GTF2I: variants seen among roughly 807,000 people sequenced by gnomAD.
The protein encoded by GTF2I is general transcription factor II-I.
GTF2I carries 12 observed loss-of-function variants against 67.6 expected under a neutral mutation model. The ratio of observed to expected loss-of-function variants is 0.18; its 90% confidence interval spans 0.11 to 0.29. The LOEUF (loss-of-function observed/expected upper bound fraction) is 0.29, where lower values mean the gene tolerates loss of function less well. GTF2I is among the 10% of genes least tolerant of loss of function. The pLI is 1.00. For missense variants in GTF2I, 271 were observed against 580.1 expected (o/e 0.47, Z 5.47); for synonymous variants, 149 against 197.0 (o/e 0.76, Z 2.04).
At chr7:74,702,907 A>G (rs1554400232) in intron 6 of GTF2I, among the ~76,000 whole-genome samples, 2 of 150,736 alleles carry the variant, frequency 1.3e-5, no homozygotes, top group Non-Finnish European at 3.0e-5. Flanking sequence ...TCATTTCTGA[A>G]CCTTTTTTTG....
chr7:74,669,419 C>T (rs782036095), intron 1 of GTF2I, among the ~76,000 whole-genome samples: 1 of 151,474 alleles, frequency 6.6e-6, no homozygotes, highest in Middle Eastern at 3.4e-3. Context: ...TGGTAGAGAA[C>T]GAGGTTTCAT....
intron 1 of GTF2I, chr7:74,688,920 T>C (rs1467033180): frequency 2.1e-6 from 1 of 487,412 alleles, no homozygotes; most frequent in East Asian, 3.4e-5. Flanking sequence ...TTTCTGGAAA[T>C]AACAATATAT....
At chr7:74,719,876 C>T (rs587614302) in intron 12 of GTF2I, among the ~76,000 whole-genome samples, 31 of 152,148 alleles carry the variant, frequency 2.0e-4, no homozygotes, top group African/African-American at 6.7e-4. Context: ...GCTGAGTTCA[C>T]GCCATTGCAC....
intron 3 of GTF2I, among the ~76,000 whole-genome samples, chr7:74,697,536 G>A (rs587706120): frequency 4.0e-4 from 61 of 152,190 alleles, no homozygotes; most frequent in Non-Finnish European, 5.7e-4. Context: ...ATTTGTTATC[G>A]TGCTAGACTT....
chr7:74,691,114 A>G lies in GTF2I; in HGVS notation c.238+3A>G. The G allele has an allele frequency of 6.3e-7, 1 of 1,587,456 alleles. No individual in the cohort carries two copies. Among genetic ancestry groups the G allele is most frequent in the South Asian group, 1.1e-5 (1 of 89,408 alleles). The stretch of plus-strand genomic sequence containing the variant: ...TCAAAAAGATTTTGTAAAATATTGT[A>G]AGCATTGTATTTTTATCTTTTGCAT... On this transcript the variant is annotated splice_donor_region_variant and intron_variant, in intron 3 of 34. Coordinates refer to ENST00000573035, the MANE Select transcript of GTF2I (RefSeq NM_032999.4).
intron 1 of GTF2I, among the ~76,000 whole-genome samples, chr7:74,685,260 C>A (rs1278935283): frequency 7.2e-5 from 11 of 152,304 alleles, no homozygotes; most frequent in Admixed American, 5.2e-4. Flanking sequence ...CTTTGGGAGG[C>A]CAAGATGGGT....
chr7:74,659,886 C>G (rs1166671070), intron 1 of GTF2I, among the ~76,000 whole-genome samples: 1 of 152,162 alleles, frequency 6.6e-6, no homozygotes, highest in Non-Finnish European at 1.5e-5. Context: ...ATGGCTTGAT[C>G]AGCCAACAGT....
chr7:74,723,677 C>T (rs1298310557), intron 12 of GTF2I, among the ~76,000 whole-genome samples: 9 of 151,706 alleles, frequency 5.9e-5, no homozygotes, highest in African/African-American at 1.9e-4. Context: ...GTGATCCACC[C>T]GCCTCGGCCT....
intron 2 of GTF2I, 146 bp from the exon 3 acceptor site, chr7:74,690,827 T>C (rs1554396809): frequency 1.1e-5 from 8 of 723,012 alleles, no homozygotes; most frequent in East Asian, 5.3e-5. Context: ...ATAAATTCTG[T>C]GTTGTCTTTT....
At chr7:74,707,685 T>C (rs781985773) in intron 8 of GTF2I, among the ~76,000 whole-genome samples, 1 of 152,204 alleles carries the variant, frequency 6.6e-6, no homozygotes, top group Non-Finnish European at 1.5e-5. Flanking sequence ...AAATCTCAAA[T>C]TTTTGTGTGG....
intron 1 of GTF2I, among the ~76,000 whole-genome samples, chr7:74,662,508 A>C (rs1393742140): frequency 2.3e-4 from 11 of 46,864 alleles, no homozygotes; most frequent in African/African-American, 3.7e-4. Context: ...CTGCACCTGG[A>C]CCCTTTTTTT....
chr7:74,733,773 A>AG, intron 15 of GTF2I, 150 bp from the exon 16 acceptor site: 2 of 318,696 alleles, frequency 6.3e-6, no homozygotes, highest in South Asian at 1.1e-4. Context: ...CTCAGGAAAA[A>AG]AAAAAAAAAG....
rs868921455 is a variant in GTF2I at position 74,735,960 on chromosome 7, C to T, written c.1435+428C>T. Among the ~76,000 whole-genome samples the T allele has an allele frequency of 6.7e-3, 140 of 21,004 alleles. 1 individual carries two copies. The highest frequency in any genetic ancestry group is 0.022 in the African/African-American group (129 of 5,738). The allele number at this position is 21,004 out of a possible 152,430, so 13.8% of individuals were successfully genotyped here. On this transcript the variant is annotated intron_variant, in intron 17 of 34. Coordinates refer to ENST00000573035, the MANE Select transcript of GTF2I (RefSeq NM_032999.4). Reference sequence around the variant, plus strand: ...CTGGGATTATAGGCGTGAGCCACCGCGCCCGGCCCCCATTCTATGAATTAT... The same window carrying T: ...CTGGGATTATAGGCGTGAGCCACCGTGCCCGGCCCCCATTCTATGAATTAT...
chr7:74,704,338 T>C (rs1461279615), intron 6 of GTF2I, among the ~76,000 whole-genome samples: 1 of 151,934 alleles, frequency 6.6e-6, no homozygotes, highest in Non-Finnish European at 1.5e-5. Flanking sequence ...TCGCCCAGGC[T>C]GGAGTGCAGT....
intron 1 of GTF2I, among the ~76,000 whole-genome samples, chr7:74,688,689 A>G (rs1241024827): frequency 6.6e-6 from 1 of 152,216 alleles, no homozygotes; most frequent in Non-Finnish European, 1.5e-5. Flanking sequence ...CTTAGTAAGA[A>G]GAGAAACTTC....
At chr7:74,729,887 G>A (rs1794306065) in intron 13 of GTF2I, among the ~76,000 whole-genome samples, 1 of 151,104 alleles carries the variant, frequency 6.6e-6, no homozygotes. Flanking sequence ...CCTTTATCGT[G>A]GTCTCCCTTT....
At chr7:74,669,734 T>G (rs1006565169) in intron 1 of GTF2I, among the ~76,000 whole-genome samples, 6 of 152,134 alleles carry the variant, frequency 3.9e-5, no homozygotes, top group African/African-American at 1.4e-4. Flanking sequence ...GGTTTCACCA[T>G]ATTGGCCAGG....
intron 1 of GTF2I, among the ~76,000 whole-genome samples, chr7:74,663,979 G>A (rs370685448): frequency 2.6e-5 from 4 of 151,928 alleles, no homozygotes; most frequent in African/African-American, 7.3e-5. Context: ...ATAGGCACCC[G>A]CCACCATGCC....
rs142005087 is a variant in GTF2I at position 74,670,622 on chromosome 7, G to A, written c.-6+12554G>A. On this transcript the variant is annotated intron_variant, in intron 1 of 34. Transcript: ENST00000573035. ...GGAGAATTGCTTGAACCTGGGAGAC[G>A]GAGGTTGCAGTGAGCTGAGACTACG... 6.6e-3 allele frequency among the ~76,000 whole-genome samples: 998 copies of A among 151,300 alleles called. 31 individuals carry two copies. Among genetic ancestry groups the A allele is most frequent in the Admixed American group, 0.045 (689 of 15,144 alleles).
Sources: allele counts gnomAD v4.1 joint callset (sites outside exome capture counted in the v4.1 genomes callset), GRCh38; gene constraint gnomAD v4.1.1; transcripts MANE v1.5; gene names NCBI Gene and HGNC (gene_info 2026-07-23, HGNC 2026-07-21).